SLC35F4: variants seen among roughly 807,000 people sequenced by gnomAD.
SLC35F4 encodes chromosome 14 open reading frame 36.
A neutral mutation model predicts 44.2 loss-of-function variants in SLC35F4; 24 were observed. The observed-to-expected ratio is 0.54, with a 90% CI of 0.39 to 0.76. The LOEUF is 0.76. SLC35F4 is among the 30% of genes least tolerant of loss of function. The probability of loss-of-function intolerance (pLI) is 0.00; values close to 1 mark genes in which losing one functional copy is unlikely to be tolerated. For missense variants in SLC35F4, 562 were observed against 586.1 expected, an observed-to-expected ratio of 0.96 and a Z score of 0.42; for synonymous variants, 238 against 223.6, an observed-to-expected ratio of 1.06 and a Z score of -0.57.
intron 4 of SLC35F4, chr14:57,580,623 T>TTG (rs2069177847): frequency 4.3e-6 from 1 of 230,956 alleles, no homozygotes; most frequent in South Asian, 4.7e-5. Context: ...AGAACTGAAG[T>TTG]TGTTGGTGGA....
At chr14:57,718,414 C>A (rs144952494) in intron 1 of SLC35F4, among the ~76,000 whole-genome samples, 3 of 152,148 alleles carry the variant, frequency 2.0e-5, no homozygotes, top group South Asian at 4.1e-4. Flanking sequence ...TTTTGAGGAA[C>A]CTCCAAACTG....
In SLC35F4 at chr14:57,691,770, G is replaced by T. The variant is rs554995938; in HGVS notation, c.104-97646C>A. ...GAAAAGAAGGCCCTTCTCTTAAAAA[G>T]CTACACTCTAATAGGAGAGACGAGA... On this transcript the variant is annotated intron_variant, in intron 1 of 7. Coordinates refer to ENST00000556826, the MANE Select transcript of SLC35F4 (RefSeq NM_001306087.2). Among the ~76,000 whole-genome samples, 5 of 152,258 alleles carry T rather than the reference G, an allele frequency of 3.3e-5. No homozygotes were observed. In the South Asian group the frequency reaches 8.3e-4, roughly 25 times the overall value.
chr14:57,633,084 T>C (rs1304806485), intron 1 of SLC35F4, among the ~76,000 whole-genome samples: 1 of 152,154 alleles, frequency 6.6e-6, no homozygotes, highest in African/African-American at 2.4e-5. Flanking sequence ...TAACACTCAA[T>C]AATATTCCAA....
chr14:57,582,217 C>G (rs1437873897), intron 3 of SLC35F4, among the ~76,000 whole-genome samples: 1 of 150,828 alleles, frequency 6.6e-6, no homozygotes, highest in Non-Finnish European at 1.5e-5. Flanking sequence ...TTTTTTTCCC[C>G]CTAGGTCTGG....
At chr14:57,959,561 C>G (rs1369195779) in intron 1 of SLC35F4, among the ~76,000 whole-genome samples, 2 of 152,152 alleles carry the variant, frequency 1.3e-5, no homozygotes, top group Non-Finnish European at 2.9e-5. Context: ...CTGAATTCAG[C>G]AGACCCTACT....
intron 1 of SLC35F4, among the ~76,000 whole-genome samples, chr14:57,730,220 T>G (rs59270726): frequency 0.04 from 6,139 of 152,200 alleles, 311 homozygotes; most frequent in African/African-American, 0.11. Flanking sequence ...GTACTTTTTT[T>G]TGTGTGCAGA....
At chr14:57,759,552 C>G (rs1459774209) in intron 1 of SLC35F4, among the ~76,000 whole-genome samples, 1 of 152,044 alleles carries the variant, frequency 6.6e-6, no homozygotes, top group Non-Finnish European at 1.5e-5. Context: ...TGCACTCCAG[C>G]CTGGGTGACA....
chr14:57,701,375 T>G (rs900907416), intron 1 of SLC35F4, among the ~76,000 whole-genome samples: 18 of 152,094 alleles, frequency 1.2e-4, no homozygotes, highest in African/African-American at 4.3e-4. Flanking sequence ...ACAGTTAAAT[T>G]GTTTTCAAAA....
At chr14:57,855,428 A>T (rs1342153739) in intron 1 of SLC35F4, among the ~76,000 whole-genome samples, 1 of 152,248 alleles carries the variant, frequency 6.6e-6, no homozygotes, top group Non-Finnish European at 1.5e-5. Context: ...GCCAAGAAAC[A>T]TATGAAAAAA....
At chr14:57,877,727 C>A (rs1168602270) in intron 1 of SLC35F4, among the ~76,000 whole-genome samples, 4 of 128,194 alleles carry the variant, frequency 3.1e-5, no homozygotes, top group Admixed American at 8.7e-5. Flanking sequence ...GCTCTGTTAC[C>A]CAGGCTGGAG....
At chr14:57,930,535 C>T (rs11848175) in intron 1 of SLC35F4, among the ~76,000 whole-genome samples, 2,725 of 152,212 alleles carry the variant, frequency 0.018, 72 homozygotes, top group African/African-American at 0.061. Flanking sequence ...GTCTCTCTCC[C>T]GCTCTAAGGT....
At chr14:57,568,293 G>A (rs117134692) in intron 6 of SLC35F4, among the ~76,000 whole-genome samples, 2,145 of 152,342 alleles carry the variant, frequency 0.014, 31 homozygotes, top group Non-Finnish European at 0.019. Context: ...GCTTAGGAGC[G>A]CGTATTGGAT....
chr14:57,979,413 A>G (rs1881312275), intron 1 of SLC35F4, among the ~76,000 whole-genome samples: 1 of 152,174 alleles, frequency 6.6e-6, no homozygotes, highest in African/African-American at 2.4e-5. Flanking sequence ...TCTCAGTCTC[A>G]ATTCTTATTC....
At chr14:57,685,005 T>TG (rs2075026583) in intron 1 of SLC35F4, among the ~76,000 whole-genome samples, 1 of 152,198 alleles carries the variant, frequency 6.6e-6, no homozygotes. Flanking sequence ...ATCAGAATAC[T>TG]GGGAAAAGTC....
chr14:57,604,469 T>G (rs917127602), intron 1 of SLC35F4, among the ~76,000 whole-genome samples: 4 of 152,162 alleles, frequency 2.6e-5, no homozygotes, highest in African/African-American at 9.7e-5. Context: ...CACAAATGAA[T>G]GGAAAAACAT....
At chr14:57,615,035 T>C (rs1388243011) in intron 1 of SLC35F4, among the ~76,000 whole-genome samples, 3 of 152,244 alleles carry the variant, frequency 2.0e-5, no homozygotes, top group Non-Finnish European at 2.9e-5. Context: ...AGAAATTCTA[T>C]GAAAATTTCA....
At chr14:57,676,530 C>T (rs947413595) in intron 1 of SLC35F4, among the ~76,000 whole-genome samples, 5 of 152,064 alleles carry the variant, frequency 3.3e-5, no homozygotes, top group Non-Finnish European at 7.4e-5. Flanking sequence ...ACATATTTAC[C>T]TATGTAACAA....
intron 1 of SLC35F4, among the ~76,000 whole-genome samples, chr14:57,606,039 A>C (rs1348875685): frequency 6.6e-6 from 1 of 152,212 alleles, no homozygotes; most frequent in Non-Finnish European, 1.5e-5. Flanking sequence ...TGACGGATTC[A>C]TTTGTTCTTC....
chr14:57,837,136 G>A (rs1885011276), intron 1 of SLC35F4, among the ~76,000 whole-genome samples: 1 of 152,020 alleles, frequency 6.6e-6, no homozygotes, highest in Middle Eastern at 3.2e-3. Context: ...GGATTGAAAG[G>A]GAACTTAAAA....
Sources: allele counts gnomAD v4.1 joint callset (sites outside exome capture counted in the v4.1 genomes callset), GRCh38; gene constraint gnomAD v4.1.1; transcripts MANE v1.5; gene names NCBI Gene and HGNC (gene_info 2026-07-23, HGNC 2026-07-21).